DIS3L2: variants seen among roughly 807,000 people sequenced by gnomAD.
The protein encoded by DIS3L2 is DIS3-like exonuclease 2.
Under a neutral mutation model 97.5 loss-of-function variants are expected in DIS3L2, and 34 were observed. The ratio of observed to expected loss-of-function variants is 0.35; its 90% CI spans 0.27 to 0.46. DIS3L2 has a LOEUF of 0.46. Among genes scored for constraint, DIS3L2 ranks in the 20% least tolerant of loss-of-function variants. The pLI, the probability that DIS3L2 is intolerant of heterozygous loss-of-function variation, is 1.00. For missense variants in DIS3L2, 1,038 were observed against 1,146.0 expected, an observed-to-expected ratio of 0.91 and a Z score of 1.36; for synonymous variants, 435 against 445.2, an observed-to-expected ratio of 0.98 and a Z score of 0.29.
In DIS3L2 at chr2:231,974,861, T is replaced by C. The variant is rs544601286; in HGVS notation, c.-94+13096T>C. On this transcript the variant is annotated intron_variant, in intron 1 of 20. Coordinates refer to ENST00000325385, the MANE Select transcript of DIS3L2 (RefSeq NM_152383.5). Reference sequence around the variant, plus strand: ...CTCTTAAAAATACAGTAAAGTGATATAGTATTCAGAGAAGTAATTACTAAT... The same window carrying C: ...CTCTTAAAAATACAGTAAAGTGATACAGTATTCAGAGAAGTAATTACTAAT... Among the ~76,000 whole-genome samples the C allele has an allele frequency of 2.6e-5, 4 of 152,316 alleles. No individual in the cohort carries two copies. In the South Asian group the frequency reaches 6.2e-4, roughly 24 times the overall value.
intron 6 of DIS3L2, among the ~76,000 whole-genome samples, chr2:232,119,885 A>G (rs533632330): frequency 9.8e-5 from 15 of 152,304 alleles, no homozygotes; most frequent in Middle Eastern, 3.4e-3. Flanking sequence ...TCTCTTACCA[A>G]TCTGTAAATT....
intron 6 of DIS3L2, among the ~76,000 whole-genome samples, chr2:232,089,634 T>C (rs1337327987): frequency 6.6e-6 from 1 of 152,220 alleles, no homozygotes; most frequent in Admixed American, 6.5e-5. Context: ...AGGAACACTT[T>C]AAAGCATATT....
chr2:231,994,788 C>G (rs1053909771), intron 1 of DIS3L2, among the ~76,000 whole-genome samples: 1 of 148,680 alleles, frequency 6.7e-6, no homozygotes, highest in Admixed American at 6.7e-5. Context: ...TTTATTTTTT[C>G]TTTTCTTTTT....
At chr2:232,138,788 T>G (rs1698429703) in intron 8 of DIS3L2, among the ~76,000 whole-genome samples, 1 of 152,132 alleles carries the variant, frequency 6.6e-6, no homozygotes, top group African/African-American at 2.4e-5. Flanking sequence ...AAAATCAAGT[T>G]TAGCTAAGGT....
At chr2:232,038,996 T>A (rs1487647217) in intron 5 of DIS3L2, among the ~76,000 whole-genome samples, 3 of 152,248 alleles carry the variant, frequency 2.0e-5, no homozygotes, top group Admixed American at 1.3e-4. Flanking sequence ...GCTGGCTGCC[T>A]CTGAAGCTTT....
intron 12 of DIS3L2, among the ~76,000 whole-genome samples, chr2:232,260,948 T>C (rs1317342046): frequency 6.6e-6 from 1 of 152,180 alleles, no homozygotes; most frequent in Non-Finnish European, 1.5e-5. Flanking sequence ...GGTTGGCTGG[T>C]GAAGAGCAAG....
At chr2:232,017,786 G>A (rs763286422) in intron 3 of DIS3L2, among the ~76,000 whole-genome samples, 2 of 152,070 alleles carry the variant, frequency 1.3e-5, no homozygotes, top group East Asian at 1.9e-4. Context: ...TTTTAAGTCC[G>A]TGCCTAAATG....
In DIS3L2 at chr2:232,335,858, A is replaced by G. The variant is rs1434040025; in HGVS notation, c.2480A>G (p.Gln827Arg). 1 of 1,550,638 alleles carries G rather than the reference A, an allele frequency of 6.4e-7. No individual in the cohort carries two copies. ...GTCTGGGAGCCTGAGGACATGGAGC[A>G]GGAGCCAGCACAGCAGGTCAGAACC... ...TLVWEPEDME[Q>R]EPAQQVITIF... Residue 827 changes from glutamine (Q) to arginine (R), a missense_variant, in exon 20 of 21, where the codon CAG becomes CGG. By Grantham distance (43) the Gln-to-Arg change is conservative (BLOSUM62 1). Around this residue, in one of 3 missense-constraint regions of DIS3L2, gnomAD observed 221 missense variants for 246.9 expected, o/e 0.90. Coordinates refer to ENST00000325385, the MANE Select transcript of DIS3L2 (RefSeq NM_152383.5).
intron 9 of DIS3L2, among the ~76,000 whole-genome samples, chr2:232,190,598 G>A (rs1691591254): frequency 6.6e-6 from 1 of 151,854 alleles, no homozygotes; most frequent in Non-Finnish European, 1.5e-5. Flanking sequence ...GAGAGGAAGA[G>A]AGGAAGGAAG....
At chr2:232,000,636 TCC>T (rs1335532837) in intron 1 of DIS3L2, among the ~76,000 whole-genome samples, 2 of 144,606 alleles carry the variant, frequency 1.4e-5, no homozygotes, top group African/African-American at 2.6e-5. Flanking sequence ...TCCTTTCCTT[TCC>T]TTTCCTTTCC....
intron 1 of DIS3L2, among the ~76,000 whole-genome samples, chr2:231,984,755 G>A (rs2106183267): frequency 6.6e-6 from 1 of 152,130 alleles, no homozygotes; most frequent in Non-Finnish European, 1.5e-5. Flanking sequence ...GAGTAACTGG[G>A]ATTACATGCG....
chr2:232,094,521 C>T (rs184553163), intron 6 of DIS3L2, among the ~76,000 whole-genome samples: 56 of 151,946 alleles, frequency 3.7e-4, no homozygotes, highest in African/African-American at 1.3e-3. Context: ...AGTTTGAGAC[C>T]AGCCTGGCCA....
intron 6 of DIS3L2, among the ~76,000 whole-genome samples, chr2:232,105,072 C>A (rs1424677312): frequency 6.6e-6 from 1 of 152,124 alleles, no homozygotes; most frequent in Admixed American, 6.5e-5. Context: ...CCTGCCCTGG[C>A]CCCCCAAAGT....
chr2:232,091,105 T>A (rs1218093362), intron 6 of DIS3L2, among the ~76,000 whole-genome samples: 1 of 152,210 alleles, frequency 6.6e-6, no homozygotes, highest in Non-Finnish European at 1.5e-5. Context: ...CTTTTACCAC[T>A]TTACAAGCAG....
chr2:232,046,538 G>T (rs969678091), intron 5 of DIS3L2, among the ~76,000 whole-genome samples: 2 of 152,210 alleles, frequency 1.3e-5, no homozygotes, highest in Non-Finnish European at 2.9e-5. Context: ...GCTGGTCCTG[G>T]AGGAGAGTCA....
At chr2:232,241,006 T>C (rs1048307545) in intron 11 of DIS3L2, among the ~76,000 whole-genome samples, 3 of 152,250 alleles carry the variant, frequency 2.0e-5, no homozygotes, top group African/African-American at 4.8e-5. Flanking sequence ...TGCTGAGTTG[T>C]GAAAGTGGGG....
intron 14 of DIS3L2, among the ~76,000 whole-genome samples, chr2:232,327,123 C>T (rs930617549): frequency 8.5e-5 from 13 of 152,184 alleles, no homozygotes; most frequent in Non-Finnish European, 4.4e-5. Flanking sequence ...CCTGAGAGGC[C>T]CCCAGATATT....
chr2:232,103,590 G>C (rs558388327), intron 6 of DIS3L2, among the ~76,000 whole-genome samples: 64 of 152,260 alleles, frequency 4.2e-4, no homozygotes, highest in Non-Finnish European at 7.5e-4. Context: ...TAATTCAGTT[G>C]TGTTTGCTAA....
chr2:232,227,299 G>T (rs537082383), intron 10 of DIS3L2, among the ~76,000 whole-genome samples: 1 of 152,326 alleles, frequency 6.6e-6, no homozygotes, highest in South Asian at 2.1e-4. Flanking sequence ...AGAACCCGAT[G>T]CTGAGGGGCG....
Sources: gnomAD v4.1 joint callset for allele counts (sites outside exome capture counted in the v4.1 genomes callset) on GRCh38, gnomAD v4.1.1 for gene constraint, gnomAD v4.1.1 regional missense constraint, MANE v1.5 for transcripts, NCBI Gene and HGNC (gene_info 2026-07-23, HGNC 2026-07-21) for gene names.